GNG7: variants seen among roughly 807,000 people sequenced by gnomAD.
GNG7 encodes guanine nucleotide-binding protein G(I)/G(S)/G(O) subunit gamma-7.
A neutral mutation model predicts 4.0 loss-of-function variants in GNG7; 1 was observed. The observed-to-expected ratio is 0.25, with a 90% confidence interval of 0.09 to 1.18. The LOEUF is 1.18. GNG7 is among the 50% of genes most tolerant of loss of function. The probability of loss-of-function intolerance (pLI) is 0.50; values close to 1 mark genes in which losing one functional copy is unlikely to be tolerated. For missense variants in GNG7, 86 were observed against 91.9 expected, an observed-to-expected ratio of 0.94 and a Z score of 0.26; for synonymous variants, 34 against 36.9, an observed-to-expected ratio of 0.92 and a Z score of 0.29.
chr19:2,699,237 C>T (rs1478458193), intron 1 of GNG7, among the ~76,000 whole-genome samples: 1 of 151,696 alleles, frequency 6.6e-6, no homozygotes, highest in Non-Finnish European at 1.5e-5. Flanking sequence ...CAACCTCTGC[C>T]TCCTGGGTTC....
At chr19:2,644,780 C>T (rs938619378) in intron 2 of GNG7, among the ~76,000 whole-genome samples, 3 of 152,328 alleles carry the variant, frequency 2.0e-5, no homozygotes, top group Middle Eastern at 3.4e-3. Flanking sequence ...GGTACATCCA[C>T]ACTGTGGCCT....
At chr19:2,631,304 C>T (rs972873305) in intron 2 of GNG7, among the ~76,000 whole-genome samples, 1 of 152,216 alleles carries the variant, frequency 6.6e-6, no homozygotes, top group African/African-American at 2.4e-5. Context: ...TATGTCACCT[C>T]ATGAAGCCAC....
At chr19:2,594,537 CTGAG>C (rs1242158143) in intron 2 of GNG7, among the ~76,000 whole-genome samples, 2 of 152,180 alleles carry the variant, frequency 1.3e-5, no homozygotes, top group African/African-American at 2.4e-5. Context: ...CGAGGTCTCT[CTGAG>C]TGTCGTCACC....
At chr19:2,644,438 G>A (rs1267390680) in intron 2 of GNG7, among the ~76,000 whole-genome samples, 2 of 120,060 alleles carry the variant, frequency 1.7e-5, no homozygotes, top group Non-Finnish European at 3.6e-5. Flanking sequence ...GACATACAGT[G>A]CACCCATTTA....
intron 3 of GNG7, among the ~76,000 whole-genome samples, chr19:2,547,827 C>G (rs1376337835): frequency 6.6e-6 from 1 of 152,188 alleles, no homozygotes; most frequent in African/African-American, 2.4e-5. Context: ...CCAGGCAGCC[C>G]TCGGATGTGA....
chr19:2,671,081 C>G (rs936470229), intron 1 of GNG7, among the ~76,000 whole-genome samples: 1 of 151,128 alleles, frequency 6.6e-6, no homozygotes, highest in Non-Finnish European at 1.5e-5. Flanking sequence ...GGTCTCTCCC[C>G]CTTGGAATTC....
chr19:2,561,232 C>T (rs1979732588), intron 2 of GNG7, among the ~76,000 whole-genome samples: 1 of 152,094 alleles, frequency 6.6e-6, no homozygotes, highest in Non-Finnish European at 1.5e-5. Flanking sequence ...GATGATTCTG[C>T]TCCCAGGGGA....
intron 2 of GNG7, among the ~76,000 whole-genome samples, chr19:2,593,460 A>G (rs1980911559): frequency 6.6e-6 from 1 of 152,172 alleles, no homozygotes; most frequent in Non-Finnish European, 1.5e-5. Context: ...TATTAAGAGT[A>G]GGACTGGGCG....
At chr19:2,591,126 C>G (rs1980839227) in intron 2 of GNG7, among the ~76,000 whole-genome samples, 1 of 152,176 alleles carries the variant, frequency 6.6e-6, no homozygotes, top group Non-Finnish European at 1.5e-5. Context: ...CTCTCAGTAA[C>G]CTAGCAACTC....
chr19:2,652,001 C>A (rs1422029733), intron 1 of GNG7, among the ~76,000 whole-genome samples: 1 of 151,270 alleles, frequency 6.6e-6, no homozygotes, highest in Non-Finnish European at 1.5e-5. Flanking sequence ...ACAGTGAAAC[C>A]CCGTCTGTAC....
intron 1 of GNG7, among the ~76,000 whole-genome samples, chr19:2,694,216 AT>A (rs550699599): frequency 1.6e-4 from 23 of 144,306 alleles, no homozygotes; most frequent in East Asian, 1.2e-3. Context: ...TTTTGGGGAG[AT>A]TTTTTTGTTG....
chr19:2,612,989 G>C (rs1034893153), intron 2 of GNG7, among the ~76,000 whole-genome samples: 6 of 152,122 alleles, frequency 3.9e-5, no homozygotes, highest in Non-Finnish European at 8.8e-5. Flanking sequence ...ACGGTGCCTG[G>C]CCAACGTCGG....
Position 2,546,547 on chromosome 19 carries a change from C to T in GNG7, c.-38+8602G>A, listed in dbSNP as rs1014558801. Among the ~76,000 whole-genome samples the T allele has an allele frequency of 4.6e-5, 7 of 152,188 alleles. No individual in the cohort carries two copies. The highest frequency in any genetic ancestry group is 2.1e-4 in the South Asian group (1 of 4,834). ...TTTGCTCTCAGGCTAAATCGGTCCC[C>T]GGGGCAGCTATATTTAGAAGGGGCT... On this transcript the variant is annotated intron_variant, in intron 3 of 4. Coordinates refer to ENST00000382159, the MANE Select transcript of GNG7 (RefSeq NM_052847.3). This position sits in a 1 kb window ranked among gnomAD's most constrained non-coding sequence, Gnocchi z 6.3.
chr19:2,697,269 G>A (rs919265936), intron 1 of GNG7, among the ~76,000 whole-genome samples: 1 of 152,158 alleles, frequency 6.6e-6, no homozygotes, highest in African/African-American at 2.4e-5. Flanking sequence ...TTCCTTTTGC[G>A]AGGTTCAAGT....
intron 1 of GNG7, among the ~76,000 whole-genome samples, chr19:2,695,213 C>G (rs1424730625): frequency 6.6e-6 from 1 of 151,970 alleles, no homozygotes; most frequent in African/African-American, 2.4e-5. Context: ...CCAATCCGTT[C>G]CCTGGCAAAC....
intron 4 of GNG7, among the ~76,000 whole-genome samples, chr19:2,519,419 G>A (rs578168861): frequency 3.0e-4 from 45 of 151,916 alleles, no homozygotes; most frequent in African/African-American, 1.1e-3. Flanking sequence ...GCTTCCCAAA[G>A]TGCTGGAATT....
At chr19:2,568,909 A>G (rs889958977) in intron 2 of GNG7, among the ~76,000 whole-genome samples, 1 of 151,802 alleles carries the variant, frequency 6.6e-6, no homozygotes, top group Non-Finnish European at 1.5e-5. Context: ...TCCACACTAT[A>G]CACATATACA....
At chr19:2,620,254 G>T (rs1202891643) in intron 2 of GNG7, among the ~76,000 whole-genome samples, 1 of 146,452 alleles carries the variant, frequency 6.8e-6, no homozygotes, top group Non-Finnish European at 1.5e-5. Flanking sequence ...GGGGAGGGGA[G>T]GGGAGGGGAG....
At chr19:2,647,456 C>T (rs1000712895) in intron 1 of GNG7, among the ~76,000 whole-genome samples, 4 of 152,228 alleles carry the variant, frequency 2.6e-5, no homozygotes, top group African/African-American at 9.6e-5. Flanking sequence ...TCCATGTCCT[C>T]TTGCTGGGAC....
Sources: allele counts gnomAD v4.1 joint callset (sites outside exome capture counted in the v4.1 genomes callset), GRCh38; gene constraint gnomAD v4.1.1; non-coding constraint Gnocchi (gnomAD v3.1); transcripts MANE v1.5; gene names NCBI Gene and HGNC (gene_info 2026-07-23, HGNC 2026-07-21).